The following USP7 variants were observed in gnomAD, a reference collection of about 807,000 sequenced individuals.
The protein encoded by USP7 is ubiquitin C-terminal hydrolase 7.
A neutral mutation model predicts 162.9 loss-of-function variants in USP7; 9 were observed. That is an observed-to-expected ratio of 0.06 (90% CI 0.03 to 0.10). USP7 has a LOEUF of 0.10. USP7 is among the 10% of genes least tolerant of loss of function. The pLI is 1.00. For synonymous variants in USP7, 562 were observed against 475.9 expected (o/e 1.18, Z -2.35); for missense variants, 715 against 1,373.7 (o/e 0.52, Z 7.58).
intron 1 of USP7, among the ~76,000 whole-genome samples, chr16:8,954,812 T>G (rs1899717834): frequency 6.6e-6 from 1 of 151,918 alleles, no homozygotes; most frequent in Non-Finnish European, 1.5e-5. Flanking sequence ...TACAAAAAAA[T>G]TAGCCGGTGC....
chr16:8,921,424 G>T, intron 3 of USP7, 129 bp from the exon 4 acceptor site: 2 of 1,101,346 alleles, frequency 1.8e-6, no homozygotes, highest in Non-Finnish European at 2.5e-6. Context: ...TCGGGTTGGG[G>T]TTAAAGGTAG....
intron 21 of USP7, chr16:8,900,053 C>T (rs920293119): frequency 8.5e-6 from 4 of 469,888 alleles, no homozygotes; most frequent in South Asian, 2.4e-5. Context: ...CAGACCCAGA[C>T]GCAGTGTCTT....
intron 1 of USP7, among the ~76,000 whole-genome samples, chr16:8,950,141 A>G (rs1425541262): frequency 6.6e-6 from 1 of 152,262 alleles, no homozygotes; most frequent in Admixed American, 6.5e-5. Flanking sequence ...CACATGAAAT[A>G]TGGCCATGGA....
chr16:8,961,127 A>C (rs2141270673), intron 1 of USP7, among the ~76,000 whole-genome samples: 1 of 152,312 alleles, frequency 6.6e-6, no homozygotes, highest in Non-Finnish European at 1.5e-5. Context: ...TTTTATGAGA[A>C]AAGAAAGTAG....
intron 3 of USP7, among the ~76,000 whole-genome samples, chr16:8,922,841 C>A (rs1415425233): frequency 6.6e-6 from 1 of 152,138 alleles, no homozygotes; most frequent in Non-Finnish European, 1.5e-5. Flanking sequence ...TTTACTTGTA[C>A]TTTCTGAACA....
intron 1 of USP7, among the ~76,000 whole-genome samples, chr16:8,933,322 C>A (rs762591755): frequency 2.0e-5 from 3 of 151,840 alleles, no homozygotes; most frequent in African/African-American, 7.3e-5. Context: ...CAAGACGGGA[C>A]GATCACATAA....
chr16:8,963,101 C>T, intron 1 of USP7, 106 bp downstream of exon 1: 1 of 1,073,944 alleles, frequency 9.3e-7, no homozygotes, highest in South Asian at 2.7e-5. Context: ...GGCGGCCGCC[C>T]GGGGCCTGGT....
chr16:8,959,985 GA>G (rs1180290138), intron 1 of USP7, among the ~76,000 whole-genome samples: 3 of 152,030 alleles, frequency 2.0e-5, no homozygotes, highest in African/African-American at 7.2e-5. Flanking sequence ...CCACACCAGG[GA>G]AAAAAACAGT....
intron 1 of USP7, among the ~76,000 whole-genome samples, chr16:8,936,036 C>T (rs547735176): frequency 6.6e-6 from 1 of 152,314 alleles, no homozygotes; most frequent in Admixed American, 6.5e-5. Flanking sequence ...ATCAATCCTC[C>T]CCCAAAAAGC....
chr16:8,901,989 G>A, intron 18 of USP7, 93 bp downstream of exon 18: 2 of 1,033,494 alleles, frequency 1.9e-6, no homozygotes, highest in Non-Finnish European at 2.9e-6. Flanking sequence ...CTTTCTGCAA[G>A]GGAAGAAGGC....
At chr16:8,894,420 TG>T in intron 30 of USP7, 129 bp downstream of exon 30, 1 of 830,310 alleles carries the variant, frequency 1.2e-6, no homozygotes, top group Non-Finnish European at 1.9e-6. Flanking sequence ...CTATTGCTCC[TG>T]GTTCCACAGG....
intron 1 of USP7, among the ~76,000 whole-genome samples, chr16:8,940,081 C>A (rs1402194753): frequency 6.6e-6 from 1 of 152,016 alleles, no homozygotes; most frequent in Non-Finnish European, 1.5e-5. Flanking sequence ...ATGGGTGACA[C>A]AGCAAGACTC....
At chr16:8,920,263 A>T (rs1897615419) in intron 5 of USP7, 96 bp downstream of exon 5, 1 of 1,076,306 alleles carries the variant, frequency 9.3e-7, no homozygotes, top group Non-Finnish European at 1.4e-6. Context: ...AGGCTTACTG[A>T]TTAAATATGT....
intron 1 of USP7, among the ~76,000 whole-genome samples, chr16:8,956,690 G>A (rs1899817351): frequency 6.6e-6 from 1 of 151,970 alleles, no homozygotes; most frequent in Non-Finnish European, 1.5e-5. Flanking sequence ...TTAAACCCAG[G>A]GGTCAGAGGT....
intron 1 of USP7, among the ~76,000 whole-genome samples, chr16:8,950,249 C>T (rs1567246068): frequency 1.3e-5 from 2 of 152,146 alleles, no homozygotes; most frequent in Admixed American, 6.5e-5. Context: ...AATGTTATCA[C>T]TCAGAGCCTT....
At chr16:8,913,311 G>A (rs988632662) in intron 10 of USP7, among the ~76,000 whole-genome samples, 2 of 152,160 alleles carry the variant, frequency 1.3e-5, no homozygotes, top group Non-Finnish European at 2.9e-5. Context: ...AGCCGAGATC[G>A]CACCACTGCA....
At chr16:8,922,902 G>A (rs976588669) in intron 3 of USP7, among the ~76,000 whole-genome samples, 2 of 152,186 alleles carry the variant, frequency 1.3e-5, no homozygotes, top group African/African-American at 2.4e-5. Context: ...GGCTCTGACA[G>A]CTGCCATTTT....
intron 1 of USP7, among the ~76,000 whole-genome samples, chr16:8,961,455 G>A (rs997600388): frequency 8.1e-6 from 1 of 122,964 alleles, no homozygotes; most frequent in Admixed American, 1.0e-4. Flanking sequence ...TCGCGCCACT[G>A]CACTCCAGCC....
At chr16:8,924,560 T>C (rs559880510) in intron 2 of USP7, among the ~76,000 whole-genome samples, 1 of 152,240 alleles carries the variant, frequency 6.6e-6, no homozygotes, top group Non-Finnish European at 1.5e-5. Flanking sequence ...CTTGTAGGCT[T>C]GGGTAAAGAG....
Sources: gnomAD v4.1 joint callset for allele counts (sites outside exome capture counted in the v4.1 genomes callset) on GRCh38, gnomAD v4.1.1 for gene constraint, MANE v1.5 for transcripts, NCBI Gene and HGNC (gene_info 2026-07-23, HGNC 2026-07-21) for gene names.